The following CCDC178 variants were observed in gnomAD, a reference collection of about 807,000 sequenced individuals.
CCDC178 encodes coiled-coil domain containing 178.
Under a neutral mutation model 117.4 loss-of-function variants are expected in CCDC178, and 126 were observed. That is an observed-to-expected ratio of 1.07 (90% confidence interval 0.93 to 1.24). The LOEUF is 1.24. Among genes scored for constraint, CCDC178 ranks in the 50% most tolerant of loss-of-function variants. The pLI is 0.00. For missense variants in CCDC178, 1,030 were observed against 986.9 expected (o/e 1.04, Z -0.59); for synonymous variants, 283 against 313.4 (o/e 0.90, Z 1.02).
chr18:33,011,266 A>G (rs548197654), intron 21 of CCDC178, among the ~76,000 whole-genome samples: 2 of 152,286 alleles, frequency 1.3e-5, no homozygotes, highest in South Asian at 2.1e-4. Context: ...CAGTCCCAAT[A>G]TAAGTTGCAA....
At chr18:33,300,481 G>T (rs1490966640) in intron 11 of CCDC178, among the ~76,000 whole-genome samples, 2 of 152,214 alleles carry the variant, frequency 1.3e-5, no homozygotes, top group African/African-American at 2.4e-5. Context: ...AGACAGGAAG[G>T]TGAGAGAAGG....
chr18:33,233,156 G>A (rs985369491), intron 15 of CCDC178, among the ~76,000 whole-genome samples: 13 of 152,060 alleles, frequency 8.5e-5, no homozygotes, highest in Admixed American at 8.5e-4. Context: ...CCTTAAACCT[G>A]CATCTCTGTT....
Position 33,215,523 on chromosome 18 carries a change from A to G in CCDC178, c.2078+27T>C, listed in dbSNP as rs569423926. The G allele has an allele frequency of 5.0e-5, 57 of 1,149,816 alleles. 1 individual carries two copies. In the South Asian group the frequency reaches 9.0e-4, roughly 18 times the overall value. 71.2% of individuals were successfully genotyped at this position (1,149,816 alleles called of 1,614,324 possible). ...TTTATTAATATTTTTTAAAAACTTC[A>G]TATTTTGATAAAGTTTAAGTACTTA... On this transcript the variant is annotated intron_variant, in intron 19 of 22. Transcript: ENST00000383096.
intron 20 of CCDC178, among the ~76,000 whole-genome samples, chr18:33,202,019 C>T (rs575280967): frequency 1.3e-5 from 2 of 152,150 alleles, no homozygotes; most frequent in African/African-American, 2.4e-5. Flanking sequence ...TGGCTGACTC[C>T]CAGATCTTAT....
At chr18:33,350,945 C>T (rs985157191) in intron 7 of CCDC178, among the ~76,000 whole-genome samples, 1 of 151,792 alleles carries the variant, frequency 6.6e-6, no homozygotes, top group African/African-American at 2.4e-5. Context: ...CCTTGTTTTG[C>T]TCCTGTTCTT....
chr18:33,346,511 T>A, intron 8 of CCDC178, 100 bp from the exon 9 acceptor site: 1 of 500,920 alleles, frequency 2.0e-6, no homozygotes, highest in Non-Finnish European at 3.2e-6. Context: ...TTTCTATATA[T>A]TTAATAAGAG....
intron 20 of CCDC178, among the ~76,000 whole-genome samples, chr18:33,147,381 T>C (rs1192256588): frequency 8.2e-4 from 115 of 140,650 alleles, no homozygotes; most frequent in Admixed American, 1.4e-3. Flanking sequence ...TTTTTTTTTT[T>C]AGTATTTATT....
At chr18:32,988,712 C>A (rs1368117685) in intron 21 of CCDC178, among the ~76,000 whole-genome samples, 2 of 151,448 alleles carry the variant, frequency 1.3e-5, no homozygotes, top group African/African-American at 2.4e-5. Context: ...TAGGAAAGAC[C>A]AATAAACTAT....
chr18:33,433,519 C>T (rs1242803114), intron 2 of CCDC178, among the ~76,000 whole-genome samples: 1 of 152,074 alleles, frequency 6.6e-6, no homozygotes, highest in Non-Finnish European at 1.5e-5. Context: ...CACCACTAGT[C>T]ACTCAATGTT....
At chr18:33,299,502 A>AACACACACACACAC (rs71159812) in intron 11 of CCDC178, among the ~76,000 whole-genome samples, 11 of 146,100 alleles carry the variant, frequency 7.5e-5, no homozygotes, top group African/African-American at 2.5e-4. Context: ...AACTAGTATA[A>AACACACACACACAC]ACACACACAC....
chr18:33,066,695 A>G (rs1349850628), intron 21 of CCDC178, among the ~76,000 whole-genome samples: 1 of 152,212 alleles, frequency 6.6e-6, no homozygotes, highest in Non-Finnish European at 1.5e-5. Flanking sequence ...GTGAAGCAGG[A>G]GTCGCTATAC....
At chr18:32,997,898 A>T (rs1057305060) in intron 21 of CCDC178, among the ~76,000 whole-genome samples, 1 of 152,200 alleles carries the variant, frequency 6.6e-6, no homozygotes, top group African/African-American at 2.4e-5. Flanking sequence ...ATCCAAAATA[A>T]ATAGGTGGAA....
At chr18:33,000,893 T>C (rs976866521) in intron 21 of CCDC178, among the ~76,000 whole-genome samples, 2 of 152,180 alleles carry the variant, frequency 1.3e-5, no homozygotes, top group East Asian at 1.9e-4. Flanking sequence ...AAGTTACTGA[T>C]AATAGTAAGT....
chr18:33,054,694 T>G (rs1278897848), intron 21 of CCDC178, among the ~76,000 whole-genome samples: 1 of 152,250 alleles, frequency 6.6e-6, no homozygotes, highest in Non-Finnish European at 1.5e-5. Flanking sequence ...AGGTAGATTC[T>G]ATGTCTTTGC....
At position 33,099,405 on chromosome 18, in the gene CCDC178, G is replaced by C. The variant is rs1329829440; in HGVS notation, c.2239-6495C>G. ...CACTGGAATGATAGTTTTGCATACC[G>C]TGAGGCTTTGATGTCCTTAAAGCAG... is the stretch of plus-strand genomic sequence containing the variant. On this transcript the variant is annotated intron_variant, in intron 20 of 22. Coordinates refer to ENST00000383096, the MANE Select transcript of CCDC178 (RefSeq NM_001105528.4). Among the ~76,000 whole-genome samples the C allele has an allele frequency of 2.0e-5, 3 of 151,886 alleles. No individual in the cohort carries two copies. The South Asian group carries it at 6.2e-4, about 31-fold the overall frequency.
At chr18:33,231,815 A>G (rs4494628) in intron 15 of CCDC178, among the ~76,000 whole-genome samples, 24,459 of 151,944 alleles carry the variant, frequency 0.16, 2,750 homozygotes, top group African/African-American at 0.32. Context: ...GCTGAACCCT[A>G]TGTTGAGACA....
chr18:33,438,518 T>TAC (rs113727839), intron 2 of CCDC178, among the ~76,000 whole-genome samples: 2,219 of 146,490 alleles, frequency 0.015, 19 homozygotes, highest in Middle Eastern at 0.063. Flanking sequence ...ATATACGGCA[T>TAC]ACACACACAC....
chr18:33,338,243 G>A (rs1208327775), intron 9 of CCDC178, among the ~76,000 whole-genome samples: 2 of 151,996 alleles, frequency 1.3e-5, no homozygotes, highest in Non-Finnish European at 2.9e-5. Flanking sequence ...ATAAAAAAAT[G>A]AAAAACATTA....
chr18:33,087,613 C>T (rs1457638604), intron 21 of CCDC178, among the ~76,000 whole-genome samples: 2 of 146,320 alleles, frequency 1.4e-5, no homozygotes, highest in Non-Finnish European at 3.0e-5. Flanking sequence ...TTTGCATGTC[C>T]ACATGCCTGT....
Sources: gnomAD v4.1 joint callset for allele counts (sites outside exome capture counted in the v4.1 genomes callset) on GRCh38, gnomAD v4.1.1 for gene constraint, MANE v1.5 for transcripts, NCBI Gene and HGNC (gene_info 2026-07-23, HGNC 2026-07-21) for gene names.